WDTC1: variants seen among roughly 807,000 people sequenced by gnomAD.
WDTC1 encodes WD and tetratricopeptide repeats protein 1.
WDTC1 carries 12 observed loss-of-function variants against 76.0 expected under a neutral mutation model. The ratio of observed to expected loss-of-function variants is 0.16; its 90% confidence interval spans 0.10 to 0.26. The LOEUF (loss-of-function observed/expected upper bound fraction) is 0.26. Among genes scored for constraint, WDTC1 ranks in the 10% least tolerant of loss-of-function variants. WDTC1 has a pLI of 1.00. For missense variants in WDTC1, 511 were observed against 908.8 expected, an observed-to-expected ratio of 0.56 and a Z score of 5.63; for synonymous variants, 326 against 350.8, an observed-to-expected ratio of 0.93 and a Z score of 0.79.
intron 13 of WDTC1, among the ~76,000 whole-genome samples, chr1:27,302,291 G>A (rs2013851505): frequency 6.6e-6 from 1 of 152,014 alleles, no homozygotes; most frequent in South Asian, 2.1e-4. Context: ...AGTGATAAAG[G>A]AGAAACAAAA....
chr1:27,269,606 G>GTTTTTTTTTTTTTTGTT (rs56885576), intron 3 of WDTC1, among the ~76,000 whole-genome samples: 3 of 119,470 alleles, frequency 2.5e-5, no homozygotes, highest in Non-Finnish European at 4.8e-5. Context: ...TTTGTTTTTT[G>GTTTTTTTTTTTTTTGTT]TTTTTTTTTT....
intron 7 of WDTC1, among the ~76,000 whole-genome samples, chr1:27,293,449 A>AAAAG (rs1553132533): frequency 1.3e-4 from 20 of 150,322 alleles, no homozygotes; most frequent in African/African-American, 4.7e-4. Flanking sequence ...AAAAAAAAAA[A>AAAAG]AAAAGTATAA....
intron 3 of WDTC1, among the ~76,000 whole-genome samples, chr1:27,275,653 G>A (rs1201852686): frequency 1.3e-5 from 2 of 151,950 alleles, no homozygotes; most frequent in Non-Finnish European, 2.9e-5. Context: ...AGATGGAGCG[G>A]GGATCTGACT....
intron 3 of WDTC1, among the ~76,000 whole-genome samples, chr1:27,267,897 T>A (rs991056296): frequency 5.3e-5 from 8 of 152,236 alleles, no homozygotes; most frequent in Non-Finnish European, 1.2e-4. Flanking sequence ...TACAATTTTT[T>A]GCATGTACAA....
intron 11 of WDTC1, among the ~76,000 whole-genome samples, chr1:27,297,522 C>G (rs1451070554): frequency 6.6e-6 from 1 of 152,214 alleles, no homozygotes; most frequent in African/African-American, 2.4e-5. Flanking sequence ...CTCTGCCAGC[C>G]TCTGTGCTGG....
chr1:27,280,619 A>G (rs2013160665), intron 3 of WDTC1, among the ~76,000 whole-genome samples: 1 of 152,234 alleles, frequency 6.6e-6, no homozygotes, highest in Non-Finnish European at 1.5e-5. Context: ...AGAGAGAAGC[A>G]CTTGGCTGTC....
rs949053444 is a variant in WDTC1, at chr1:27,305,254, C to T, written c.1836+61C>T. On this transcript the variant is annotated intron_variant, in intron 15 of 15. Transcript: ENST00000319394. The surrounding 1 kb of genome is among the most constrained non-coding windows in gnomAD (Gnocchi z 4.6). ...GACTCTGTGGAAGGCTCCAGTGGAG[C>T]CTGCTAGCGCAGGGAAGAGAAATGA... is the stretch of plus-strand genomic sequence containing the variant. 6 of 1,549,792 alleles carry T rather than the reference C, an allele frequency of 3.9e-6. No homozygotes were observed. The highest frequency in any genetic ancestry group is 1.8e-4 in the Middle Eastern group (1 of 5,638).
intron 1 of WDTC1, among the ~76,000 whole-genome samples, chr1:27,259,472 T>C (rs756385459): frequency 5.3e-4 from 81 of 151,742 alleles, no homozygotes; most frequent in Admixed American, 1.3e-3. Flanking sequence ...CCAGCCATAT[T>C]TTGAGTTTTG....
At chr1:27,237,264 G>A (rs1049152931) in intron 1 of WDTC1, among the ~76,000 whole-genome samples, 6 of 152,138 alleles carry the variant, frequency 3.9e-5, no homozygotes, top group African/African-American at 1.2e-4. Context: ...CACGGCCTCC[G>A]TGACCACTCT....
chr1:27,250,041 TG>T (rs2011984751), intron 1 of WDTC1, among the ~76,000 whole-genome samples: 1 of 152,160 alleles, frequency 6.6e-6, no homozygotes, highest in Admixed American at 6.6e-5. Context: ...GCTTCATCTC[TG>T]GTAGGGAAAT....
Position 27,234,664 on chromosome 1 carries a change from A to C in WDTC1, c.-387A>C. Reference sequence around the variant, plus strand: ...TCCTGGGTCCCCAGACAGCTGGAGGAGATAAACAGAGGAGGAGGAGGGAGG... The same window carrying C: ...TCCTGGGTCCCCAGACAGCTGGAGGCGATAAACAGAGGAGGAGGAGGGAGG... On this transcript the variant is annotated 5_prime_UTR_variant, in exon 1 of 16. Transcript: ENST00000319394. 2.5e-6 allele frequency: 1 copy of C among 396,434 alleles called. No homozygotes were observed. Among genetic ancestry groups the C allele is most frequent in the Non-Finnish European group, 4.4e-6 (1 of 224,788 alleles). 24.6% of individuals were successfully genotyped at this position (396,434 alleles called of 1,614,324 possible). A position where few individuals can be genotyped will look rare whatever the true frequency, so the allele number is the denominator to read the frequency against.
At chr1:27,242,509 G>A (rs774288888) in intron 1 of WDTC1, among the ~76,000 whole-genome samples, 4 of 151,082 alleles carry the variant, frequency 2.6e-5, no homozygotes, top group South Asian at 2.1e-4. Flanking sequence ...CGCTCCTGTC[G>A]CCCAGGCTGG....
intron 1 of WDTC1, among the ~76,000 whole-genome samples, chr1:27,242,231 G>A (rs1337761738): frequency 6.6e-6 from 1 of 151,992 alleles, no homozygotes; most frequent in Non-Finnish European, 1.5e-5. Flanking sequence ...TTGGGAGGGT[G>A]AGATGGGAGG....
intron 3 of WDTC1, among the ~76,000 whole-genome samples, chr1:27,268,156 A>C (rs1420240064): frequency 1.3e-5 from 2 of 152,142 alleles, no homozygotes; most frequent in Non-Finnish European, 1.5e-5. Flanking sequence ...GAGAAATTTC[A>C]CAGGCGAGGC....
chr1:27,235,225 G>A (rs2011469235), intron 1 of WDTC1, among the ~76,000 whole-genome samples: 2 of 152,192 alleles, frequency 1.3e-5, no homozygotes, highest in South Asian at 4.1e-4. Flanking sequence ...CGGAGGGAGA[G>A]GTGGAAGTCA....
chr1:27,305,124 C>A lies in WDTC1; in HGVS notation c.1767C>A (p.His589Gln). 6.2e-7 allele frequency: 1 copy of A among 1,614,146 alleles called. No individual in the cohort carries two copies. The highest frequency in any genetic ancestry group is 8.5e-7 in the Non-Finnish European group (1 of 1,180,002). ...DESIVNCLQP[H>Q]PSYCFLATSG... Reference sequence around the variant, plus strand: ...CCATTGTCAACTGCCTGCAGCCACACCCCAGCTACTGCTTCCTGGCCACCA... The same window carrying A: ...CCATTGTCAACTGCCTGCAGCCACAACCCAGCTACTGCTTCCTGGCCACCA... Residue 589 changes from histidine (H) to glutamine (Q), a missense_variant, in exon 15 of 16, where the codon CAC (histidine) becomes CAA (glutamine). By Grantham distance (24) the His-to-Gln change is conservative (BLOSUM62 0). Transcript: ENST00000319394. The surrounding 1 kb of genome is among the most constrained non-coding windows in gnomAD (Gnocchi z 4.6).
chr1:27,304,764 G>T (rs2013912271), intron 14 of WDTC1: 1 of 422,682 alleles, frequency 2.4e-6, no homozygotes, highest in Non-Finnish European at 4.2e-6. Context: ...AGGTAATAAT[G>T]AACTATAGGG....
At position 27,306,462 on chromosome 1, in the gene WDTC1, G is replaced by T; in HGVS notation, c.*79G>T. The T allele has an allele frequency of 6.7e-7, 1 of 1,493,394 alleles. No individual in the cohort carries two copies. The highest frequency in any genetic ancestry group is 8.9e-7 in the Non-Finnish European group (1 of 1,118,396). The allele number at this position is 1,493,394 out of a possible 1,614,324, so 92.5% of individuals were successfully genotyped here. A position where few individuals can be genotyped will look rare whatever the true frequency, so the allele number is the denominator to read the frequency against. ...GCAGGAGGTCAGGGGATTCTGTTTTGGTTTGTCTTCCCCACCACCCTTTTT... is the reference window on the plus strand; with the variant it reads ...GCAGGAGGTCAGGGGATTCTGTTTTTGTTTGTCTTCCCCACCACCCTTTTT... On this transcript the variant is annotated 3_prime_UTR_variant, in exon 16 of 16. Coordinates refer to ENST00000319394, the MANE Select transcript of WDTC1 (RefSeq NM_001276252.2). This position sits in a 1 kb window ranked among gnomAD's most constrained non-coding sequence, Gnocchi z 5.0.
intron 3 of WDTC1, among the ~76,000 whole-genome samples, chr1:27,278,437 T>C (rs944011129): frequency 3.3e-5 from 5 of 152,196 alleles, no homozygotes; most frequent in Non-Finnish European, 7.3e-5. Flanking sequence ...CAAGCAAATA[T>C]TGAATGCCTA....
Sources: allele counts gnomAD v4.1 joint callset (sites outside exome capture counted in the v4.1 genomes callset), GRCh38; gene constraint gnomAD v4.1.1; non-coding constraint Gnocchi (gnomAD v3.1); transcripts MANE v1.5; gene names NCBI Gene and HGNC (gene_info 2026-07-23, HGNC 2026-07-21).